FUT2: variants seen among roughly 807,000 people sequenced by gnomAD.
FUT2 encodes galactoside alpha-(1,2)-fucosyltransferase 2.
For synonymous variants in FUT2, 182 were observed against 193.1 expected (o/e 0.94, Z 0.48); for missense variants, 419 against 465.8 (o/e 0.90, Z 0.93).
rs201880345 is a variant in FUT2 at position 48,700,798 on chromosome 19, CCA to C, written c.-2-2154_-2-2153del. The stretch of plus-strand genomic sequence containing the variant: ...TTCCTAAGCCTTCCAGCAACTCCCC[CCA>C]CAACTCCGATGGGTAGGAATTGTCA... On this transcript the variant is annotated intron_variant, in intron 1 of 1. Coordinates refer to ENST00000425340, the MANE Select transcript of FUT2 (RefSeq NM_000511.6). Among the ~76,000 whole-genome samples the C allele has an allele frequency of 1.5e-3, 220 of 143,132 alleles. 1 individual carries two copies. Among genetic ancestry groups the C allele is most frequent in the African/African-American group, 5.9e-3 (212 of 35,970 alleles). The allele number at this position is 143,132 out of a possible 152,430, so 93.9% of individuals were successfully genotyped here. A position where few individuals can be genotyped will look rare whatever the true frequency, so the allele number is the denominator to read the frequency against.
rs1800030 is a variant in FUT2, at chr19:48,703,838, G to A, written c.882G>A (p.Trp294Ter). The A allele has an allele frequency of 2.6e-4, 421 of 1,613,578 alleles. 6 individuals carry two copies. In the East Asian group the frequency reaches 6.2e-3, roughly 24 times the overall value. The change falls in exon 2 of 2, where the codon TGG becomes TGA. Residue 294 changes from tryptophan to a stop codon, truncating the protein, a stop_gained. Transcript: ENST00000425340. LOFTEE classifies it high-confidence loss of function. Reference protein sequence around the residue: ...TIMTIGTFGIWAAYLTGGDTI... With the variant: ...TIMTIGTFGI Reference sequence around the variant, plus strand: ...TGACCATTGGGACGTTCGGGATCTGGGCCGCATACCTCACGGGCGGAGACA... The same window carrying A: ...TGACCATTGGGACGTTCGGGATCTGAGCCGCATACCTCACGGGCGGAGACA...
In FUT2 at chr19:48,705,696, AT is replaced by A. The variant is rs2122232555; in HGVS notation, c.*1711del. The A allele has an allele frequency of 6.0e-6, 1 of 167,196 alleles. No homozygotes were observed. Among genetic ancestry groups the A allele is most frequent in the Non-Finnish European group, 1.5e-5 (1 of 68,112 alleles). The allele number at this position is 167,196 out of a possible 1,614,324, so 10.4% of individuals were successfully genotyped here. A position where few individuals can be genotyped will look rare whatever the true frequency, so the allele number is the denominator to read the frequency against. On this transcript the variant is annotated 3_prime_UTR_variant, in exon 2 of 2. Transcript: ENST00000425340. ...AGCAGCCTTCCCTCTCAGAGGATAC[AT>A]TTGTAACCATTACACAGTCATCAAA...
intron 1 of FUT2, among the ~76,000 whole-genome samples, chr19:48,699,255 G>C (rs552242990): frequency 6.6e-6 from 1 of 151,920 alleles, no homozygotes. Flanking sequence ...GTGCAGTGGC[G>C]CGATCTTAGC....
Position 48,702,955 on chromosome 19 carries a change from C to A in FUT2, c.-2C>A. ...GTGTCCCGTTTTCCTCCCCTGACAG[C>A]CATGCTGGTCGTTCAGATGCCTTTC... On this transcript the variant is annotated splice_region_variant and 5_prime_UTR_variant, in exon 2 of 2. Transcript: ENST00000425340. 2 of 1,613,104 alleles carry A rather than the reference C, an allele frequency of 1.2e-6. No homozygotes were observed. Among genetic ancestry groups the A allele is most frequent in the South Asian group, 2.2e-5 (2 of 90,612 alleles).
intron 1 of FUT2, among the ~76,000 whole-genome samples, chr19:48,700,583 G>A (rs570407029): frequency 1.2e-4 from 18 of 151,942 alleles, no homozygotes; most frequent in Non-Finnish European, 2.1e-4. Context: ...CGCCCGCCTT[G>A]GCCTCCCAAA....
At chr19:48,700,152 C>CAAAA (rs923397801) in intron 1 of FUT2, among the ~76,000 whole-genome samples, 11 of 45,292 alleles carry the variant, frequency 2.4e-4, no homozygotes, top group South Asian at 1.2e-3. Flanking sequence ...GACTCCATCT[C>CAAAA]AAAAAAAAAA....
In FUT2 at chr19:48,703,565, G is replaced by T. The variant is rs965296714; in HGVS notation, c.609G>T (p.Gly203=). ...TTGTAGGGGTCCATGTTCGCCGAGGGGACTATGTCCATGTCATGCCAAAAG... is the reference window on the plus strand; with the variant it reads ...TTGTAGGGGTCCATGTTCGCCGAGGTGACTATGTCCATGTCATGCCAAAAG... The part of the protein sequence containing the change: ...GTFVGVHVRR[G]DYVHVMPKVW... Residue 203 remains glycine, a synonymous_variant, in exon 2 of 2, where the codon GGG becomes GGT. Transcript: ENST00000425340. The T allele has an allele frequency of 6.2e-7, 1 of 1,613,402 alleles. No individual in the cohort carries two copies. The highest frequency in any genetic ancestry group is 8.5e-7 in the Non-Finnish European group (1 of 1,180,014).
Position 48,705,220 on chromosome 19 carries a change from C to T in FUT2, c.*1232C>T. Reference sequence around the variant, plus strand: ...CCGCCTCCCAGGTTCAAGCGATTCTCCTGCCTCAGCCTCCCGAGTAGCTAG... The same window carrying T: ...CCGCCTCCCAGGTTCAAGCGATTCTTCTGCCTCAGCCTCCCGAGTAGCTAG... On this transcript the variant is annotated 3_prime_UTR_variant, in exon 2 of 2. Transcript: ENST00000425340. 1 of 155,810 alleles carries T rather than the reference C, an allele frequency of 6.4e-6. No homozygotes were observed. The highest frequency in any genetic ancestry group is 1.4e-5 in the Non-Finnish European group (1 of 70,826). 9.7% of individuals were successfully genotyped at this position (155,810 alleles called of 1,614,324 possible).
At position 48,697,064 on chromosome 19, in the gene FUT2, G is replaced by A. The variant is rs575304986; in HGVS notation, c.-3+975G>A. Among the ~76,000 whole-genome samples, 4 of 152,200 alleles carry A rather than the reference G, an allele frequency of 2.6e-5. No individual in the cohort carries two copies. In the East Asian group the frequency reaches 7.8e-4, roughly 30 times the overall value. ...GGCCGCAATAGAAAGACGTGGACGGGGCTGGACGTGGTGGCTGACGCCTGT... is the reference window on the plus strand; with the variant it reads ...GGCCGCAATAGAAAGACGTGGACGGAGCTGGACGTGGTGGCTGACGCCTGT... On this transcript the variant is annotated intron_variant, in intron 1 of 1. Coordinates refer to ENST00000425340, the MANE Select transcript of FUT2 (RefSeq NM_000511.6).
chr19:48,700,507 A>G (rs980074352), intron 1 of FUT2, among the ~76,000 whole-genome samples: 1 of 151,506 alleles, frequency 6.6e-6, no homozygotes, highest in Non-Finnish European at 1.5e-5. Context: ...TTTTATATAT[A>G]TTTTTAGTAG....
rs1283200988 is a variant in FUT2 at position 48,703,663 on chromosome 19, C to T, written c.707C>T (p.Ser236Phe). ...GACTGGTTCCGAGCTCGCTACAGCT[C>T]CCTCATCTTCGTGGTCACCAGTAAT... ...ALDWFRARYS[S>F]LIFVVTSNGM... is the part of the protein sequence containing the mutation. Residue 236 changes from serine (S) to phenylalanine (F), a missense_variant, in exon 2 of 2, where the codon TCC becomes TTC. Transcript: ENST00000425340. 1.2e-6 allele frequency: 2 copies of T among 1,613,630 alleles called. No homozygotes were observed. Among genetic ancestry groups the T allele is most frequent in the Non-Finnish European group, 1.7e-6 (2 of 1,180,030 alleles).
At chr19:48,696,966 T>C (rs1449005856) in intron 1 of FUT2, among the ~76,000 whole-genome samples, 1 of 151,582 alleles carries the variant, frequency 6.6e-6, no homozygotes, top group African/African-American at 2.4e-5. Context: ...TAGGGAGCCC[T>C]GAAGGGGCTG....
intron 1 of FUT2, among the ~76,000 whole-genome samples, chr19:48,702,564 A>G (rs2032534803): frequency 6.6e-6 from 1 of 151,998 alleles, no homozygotes; most frequent in Non-Finnish European, 1.5e-5. Context: ...ATACTTACAC[A>G]TATACCCTTA....
At chr19:48,697,819 C>T (rs1601233125) in intron 1 of FUT2, among the ~76,000 whole-genome samples, 1 of 151,928 alleles carries the variant, frequency 6.6e-6, no homozygotes, top group East Asian at 2.0e-4. Context: ...CTCAGCCTCC[C>T]AAGTAGCTGA....
In FUT2 at chr19:48,703,507, G is replaced by A. The variant is rs1485807544; in HGVS notation, c.551G>A (p.Gly184Asp). The A allele has an allele frequency of 1.2e-6, 2 of 1,612,974 alleles. No individual in the cohort carries two copies. The highest frequency in any genetic ancestry group is 1.3e-5 in the African/African-American group (1 of 74,932). Reference protein sequence around the residue: ...VREEAQKFLRGLQVNGSRPGT... With the variant: ...VREEAQKFLRDLQVNGSRPGT... ...GAGGAGGCCCAGAAGTTCCTGCGGG[G>A]CCTGCAGGTGAACGGGAGCCGGCCG... is the stretch of plus-strand genomic sequence containing the variant. The change falls in exon 2 of 2, where the codon GGC (glycine) becomes GAC (aspartate). Residue 184 changes from glycine (G) to aspartate (D), a missense_variant. By Grantham distance (94) the Gly-to-Asp change is moderately conservative. Coordinates refer to ENST00000425340, the MANE Select transcript of FUT2 (RefSeq NM_000511.6).
At position 48,704,481 on chromosome 19, in the gene FUT2, A is replaced by G. The variant is rs2032599918; in HGVS notation, c.*493A>G. ...ATGAATGGGTTCAAAGACCATAATC[A>G]TGCATATCACATAAGACCAGAAGTG... On this transcript the variant is annotated 3_prime_UTR_variant, in exon 2 of 2. Transcript: ENST00000425340. The G allele has an allele frequency of 2.0e-5, 8 of 409,704 alleles. No individual in the cohort carries two copies. The East Asian group carries it at 2.8e-4, about 14-fold the overall frequency. The allele number at this position is 409,704 out of a possible 1,614,324, so 25.4% of individuals were successfully genotyped here.
At position 48,696,106 on chromosome 19, in the gene FUT2, C is replaced by G. The variant is rs188456257; in HGVS notation, c.-3+17C>G. 6.5e-6 allele frequency: 1 copy of G among 152,798 alleles called. No homozygotes were observed. Among genetic ancestry groups the G allele is most frequent in the Non-Finnish European group, 1.5e-5 (1 of 68,384 alleles). The allele number at this position is 152,798 out of a possible 1,614,324, so 9.5% of individuals were successfully genotyped here. On this transcript the variant is annotated intron_variant, in intron 1 of 1. Transcript: ENST00000425340. ...TGAGAGAAGGTGAGGGGGCTCCTCT[C>G]CCACCCTACAACACGCACACCTCTG...
At position 48,704,334 on chromosome 19, in the gene FUT2, A is replaced by C. The variant is rs2032593502; in HGVS notation, c.*346A>C. 1 of 389,040 alleles carries C rather than the reference A, an allele frequency of 2.6e-6. No homozygotes were observed. Among genetic ancestry groups the C allele is most frequent in the African/African-American group, 2.0e-5 (1 of 48,804 alleles). 24.1% of individuals were successfully genotyped at this position (389,040 alleles called of 1,614,324 possible). A position where few individuals can be genotyped will look rare whatever the true frequency, so the allele number is the denominator to read the frequency against. The stretch of plus-strand genomic sequence containing the variant: ...CTACTCGGGAGGCTGAGGCAAGAGA[A>C]TCACTTGAACCCAGGAGGCGGAGGT... On this transcript the variant is annotated 3_prime_UTR_variant, in exon 2 of 2. Coordinates refer to ENST00000425340, the MANE Select transcript of FUT2 (RefSeq NM_000511.6).
Position 48,703,412 on chromosome 19 carries a change from C to T in FUT2, c.456C>T (p.Cys152=), listed in dbSNP as rs1325803350. The T allele has an allele frequency of 1.2e-6, 2 of 1,613,038 alleles. No individual in the cohort carries two copies. Among genetic ancestry groups the T allele is most frequent in the African/African-American group, 1.3e-5 (1 of 75,036 alleles). ...GEYVRFTGYP[C]SWTFYHHLRQ... ...ACGTCCGCTTCACCGGCTACCCCTG[C>T]TCCTGGACCTTCTACCACCACCTCC... The change falls in exon 2 of 2, where the codon TGC becomes TGT. Residue 152 remains cysteine (C), a synonymous_variant. Coordinates refer to ENST00000425340, the MANE Select transcript of FUT2 (RefSeq NM_000511.6).
Sources: allele counts gnomAD v4.1 joint callset (sites outside exome capture counted in the v4.1 genomes callset), GRCh38; gene constraint gnomAD v4.1.1; transcripts MANE v1.5; gene names NCBI Gene and HGNC (gene_info 2026-07-23, HGNC 2026-07-21).